Variants in UBR3 observed in about 807,000 individuals in gnomAD.
The protein encoded by UBR3 is ubiquitin protein ligase E3 component n-recognin 3.
Under a neutral mutation model 243.2 loss-of-function variants are expected in UBR3, and 85 were observed. The observed-to-expected ratio is 0.35, with a 90% CI of 0.29 to 0.42. The LOEUF (loss-of-function observed/expected upper bound fraction) is 0.42. Among genes scored for constraint, UBR3 ranks in the 10% least tolerant of loss-of-function variants. The probability of loss-of-function intolerance (pLI) is 1.00; values close to 1 mark genes in which losing one functional copy is unlikely to be tolerated. For missense variants in UBR3, 1,686 were observed against 2,300.8 expected (o/e 0.73, Z 5.47); for synonymous variants, 748 against 799.8 (o/e 0.94, Z 1.09).
intron 31 of UBR3, among the ~76,000 whole-genome samples, chr2:170,031,496 A>C (rs2090669096): frequency 6.6e-6 from 1 of 151,928 alleles, no homozygotes; most frequent in Non-Finnish European, 1.5e-5. Context: ...CTGTGGTTTT[A>C]ATTTTTATGT....
chr2:170,029,214 C>A, intron 30 of UBR3, 132 bp from the exon 31 acceptor site: 1 of 664,912 alleles, frequency 1.5e-6, no homozygotes, highest in Non-Finnish European at 2.5e-6. Flanking sequence ...GTAATTGGGA[C>A]TTAAACTTGG....
chr2:169,960,389 A>T (rs1017768), intron 24 of UBR3, among the ~76,000 whole-genome samples: 150,795 of 152,104 alleles, frequency 0.99, 74,760 homozygotes, highest in Middle Eastern at 1. Flanking sequence ...TCTGAAAAAA[A>T]CTGAAATCTG....
chr2:169,926,618 G>C, intron 14 of UBR3, 74 bp from the exon 15 acceptor site: 1 of 1,409,352 alleles, frequency 7.1e-7, no homozygotes, highest in African/African-American at 1.5e-5. Context: ...ACAAAAAAAA[G>C]TATAGAAAAA....
At chr2:169,949,187 A>G (rs1310260930) in intron 22 of UBR3, among the ~76,000 whole-genome samples, 3 of 152,028 alleles carry the variant, frequency 2.0e-5, no homozygotes, top group Admixed American at 2.0e-4. Flanking sequence ...TTTAAAAACT[A>G]ATTTATAATT....
chr2:169,964,392 G>C, intron 24 of UBR3: 1 of 469,732 alleles, frequency 2.1e-6, no homozygotes, highest in Non-Finnish European at 4.4e-6. Context: ...CCACTCACAA[G>C]TGAGACAAAA....
chr2:169,993,636 CTG>C (rs2089372596), intron 25 of UBR3, among the ~76,000 whole-genome samples: 2 of 152,134 alleles, frequency 1.3e-5, no homozygotes, highest in South Asian at 4.1e-4. Flanking sequence ...AGGAGGTTCA[CTG>C]TGTCAATTTG....
intron 20 of UBR3, among the ~76,000 whole-genome samples, chr2:169,945,144 GT>G (rs892143523): frequency 5.6e-4 from 80 of 142,446 alleles, no homozygotes; most frequent in Non-Finnish European, 6.7e-4. Context: ...CTTTCTTTTA[GT>G]TTTTTTTTTT....
intron 10 of UBR3, among the ~76,000 whole-genome samples, chr2:169,910,773 G>A (rs2085222516): frequency 6.6e-6 from 1 of 152,084 alleles, no homozygotes; most frequent in African/African-American, 2.4e-5. Context: ...TCTTTCAGAG[G>A]TTAAATGACT....
rs188673149 is a variant in UBR3, at chr2:169,856,494, G to T, written c.546-15742G>T. The stretch of plus-strand genomic sequence containing the variant: ...GGCCAAGGCAGGCGGCTGGGAGGTG[G>T]AGGTTGTAGCGAGCCGAGATCACGC... On this transcript the variant is annotated intron_variant, in intron 1 of 38. Transcript: ENST00000272793. 1.1e-4 allele frequency among the ~76,000 whole-genome samples: 16 copies of T among 152,298 alleles called. No individual in the cohort carries two copies. In the South Asian group the frequency reaches 3.3e-3, roughly 32 times the overall value.
chr2:169,894,322 GAAAAAAA>G (rs59525862), intron 6 of UBR3, among the ~76,000 whole-genome samples: 31 of 78,234 alleles, frequency 4.0e-4, no homozygotes, highest in African/African-American at 1.5e-3. Context: ...TGACTCTTAA[GAAAAAAA>G]AAAAAAAAAA....
chr2:169,952,093 AG>A (rs1313263218), intron 23 of UBR3, among the ~76,000 whole-genome samples: 1 of 152,196 alleles, frequency 6.6e-6, no homozygotes, highest in African/African-American at 2.4e-5. Context: ...GCAGCTAGGT[AG>A]TAGTAAATCC....
chr2:169,924,254 G>T (rs944094496), intron 13 of UBR3, 81 bp downstream of exon 13: 126 of 1,075,892 alleles, frequency 1.2e-4, no homozygotes, highest in Non-Finnish European at 1.5e-4. Flanking sequence ...GCCTTTCATT[G>T]TTATTATAGC....
At chr2:170,008,749 C>T in intron 28 of UBR3, 55 bp from the exon 29 acceptor site, 1 of 883,448 alleles carries the variant, frequency 1.1e-6, no homozygotes, top group Non-Finnish European at 1.7e-6. Context: ...AGTTTCAGAC[C>T]ATTATTAAAG....
intron 25 of UBR3, among the ~76,000 whole-genome samples, chr2:169,987,489 G>A (rs116541340): frequency 0.011 from 1,645 of 151,066 alleles, 14 homozygotes; most frequent in Middle Eastern, 0.045. Flanking sequence ...AATTACACAA[G>A]GCATATTTAG....
At chr2:170,056,185 T>G (rs1264736287) in intron 33 of UBR3, among the ~76,000 whole-genome samples, 2 of 151,898 alleles carry the variant, frequency 1.3e-5, no homozygotes, top group Non-Finnish European at 2.9e-5. Context: ...TTTTTGTATT[T>G]TTAGTAGAGA....
chr2:169,967,832 A>G (rs2087894736), intron 24 of UBR3, among the ~76,000 whole-genome samples: 1 of 151,970 alleles, frequency 6.6e-6, no homozygotes, highest in Non-Finnish European at 1.5e-5. Context: ...GCTACCATTT[A>G]TATAAGAAGT....
chr2:170,040,994 T>C lies in UBR3; in HGVS notation c.4660+9T>C, dbSNP rs2090954193. On this transcript the variant is annotated intron_variant, in intron 32 of 38. Transcript: ENST00000272793. ...ACAACCCTTACGCAAAGGTATGTCT[T>C]TATAATTCAGATTCTTTGATTATAT... 1 of 1,601,780 alleles carries C rather than the reference T, an allele frequency of 6.2e-7. No homozygotes were observed. The highest frequency in any genetic ancestry group is 1.1e-5 in the South Asian group (1 of 90,736).
chr2:169,922,250 T>G (rs2085732022), intron 11 of UBR3, among the ~76,000 whole-genome samples: 1 of 145,042 alleles, frequency 6.9e-6, no homozygotes, highest in Non-Finnish European at 1.5e-5. Context: ...CGTGCCACCA[T>G]ACTCCACCCT....
rs758629410 is a variant in UBR3, at chr2:169,994,312, T to C, written c.3785-11T>C. 6.2e-7 allele frequency: 1 copy of C among 1,613,670 alleles called. No homozygotes were observed. The highest frequency in any genetic ancestry group is 8.5e-7 in the Non-Finnish European group (1 of 1,179,686). Reference sequence around the variant, plus strand: ...TATTTTTGATTAATGAGCTTTTATCTGTTAATGTAGTTTTGGGGCAGTGCC... The same window carrying C: ...TATTTTTGATTAATGAGCTTTTATCCGTTAATGTAGTTTTGGGGCAGTGCC... On this transcript the variant is annotated splice_polypyrimidine_tract_variant and intron_variant, in intron 25 of 38. Coordinates refer to ENST00000272793, the MANE Select transcript of UBR3 (RefSeq NM_172070.4).
Sources: gnomAD v4.1 joint callset for allele counts (sites outside exome capture counted in the v4.1 genomes callset) on GRCh38, gnomAD v4.1.1 for gene constraint, MANE v1.5 for transcripts, NCBI Gene and HGNC (gene_info 2026-07-23, HGNC 2026-07-21) for gene names.